Variants in GFM2 observed in about 807,000 individuals in gnomAD.
The protein encoded by GFM2 is GTP dependent ribosome recycling factor mitochondrial 2.
A neutral mutation model predicts 95.4 loss-of-function variants in GFM2; 72 were observed. The ratio of observed to expected loss-of-function variants is 0.76; its 90% CI spans 0.62 to 0.92. The LOEUF (loss-of-function observed/expected upper bound fraction) is 0.92. Ranked by LOEUF, GFM2 falls within the 40% of genes least tolerant of loss-of-function variation. The probability of loss-of-function intolerance (pLI) is 0.00; values close to 1 mark genes in which losing one functional copy is unlikely to be tolerated. For synonymous variants in GFM2, 276 were observed against 317.5 expected, an observed-to-expected ratio of 0.87 and a Z score of 1.39; for missense variants, 825 against 924.1, an observed-to-expected ratio of 0.89 and a Z score of 1.39.
chr5:74,733,138 T>A, intron 15 of GFM2, 40 bp from the exon 16 acceptor site: 1 of 1,412,706 alleles, frequency 7.1e-7, no homozygotes, highest in Non-Finnish European at 1.0e-6. Context: ...TTTCATTTTT[T>A]AAATAATTTA....
intron 16 of GFM2, among the ~76,000 whole-genome samples, chr5:74,732,364 A>G (rs2112238679): frequency 6.6e-6 from 1 of 152,020 alleles, no homozygotes; most frequent in East Asian, 1.9e-4. Flanking sequence ...AAAACAAAGT[A>G]CTCCATGCTT....
chr5:74,723,382 C>T (rs551224490), intron 19 of GFM2, among the ~76,000 whole-genome samples: 1 of 152,298 alleles, frequency 6.6e-6, no homozygotes, highest in East Asian at 1.9e-4. Context: ...TCATCATTTT[C>T]TTCTCCAAAC....
At chr5:74,726,335 A>C (rs899981381) in intron 17 of GFM2, among the ~76,000 whole-genome samples, 4 of 152,186 alleles carry the variant, frequency 2.6e-5, no homozygotes, top group African/African-American at 7.2e-5. Context: ...CAATGTTAAA[A>C]ACCTGCTCTG....
chr5:74,732,542 A>G (rs1004543725), intron 16 of GFM2, among the ~76,000 whole-genome samples: 6 of 152,178 alleles, frequency 3.9e-5, no homozygotes, highest in African/African-American at 1.2e-4. Context: ...CTACTGTGCT[A>G]TATTATACAG....
chr5:74,741,080 G>T (rs1234058868), intron 11 of GFM2, among the ~76,000 whole-genome samples: 2 of 152,088 alleles, frequency 1.3e-5, no homozygotes, highest in African/African-American at 4.8e-5. Flanking sequence ...CTTACTGTAT[G>T]TCAAAAGACA....
intron 1 of GFM2, chr5:74,765,290 T>C (rs1202683315): frequency 4.9e-6 from 1 of 206,114 alleles, no homozygotes; most frequent in East Asian, 1.4e-4. Context: ...GCCTACCCAC[T>C]GCTTTCTAGA....
intron 10 of GFM2, among the ~76,000 whole-genome samples, chr5:74,745,030 T>C (rs1743305921): frequency 6.6e-6 from 1 of 152,090 alleles, no homozygotes; most frequent in Non-Finnish European, 1.5e-5. Context: ...TTTAAGGATT[T>C]ATGGTAAACT....
intron 4 of GFM2, 35 bp downstream of exon 4, chr5:74,759,334 T>G (rs1744162277): frequency 1.6e-6 from 2 of 1,243,500 alleles, no homozygotes; most frequent in African/African-American, 3.1e-5. Context: ...TTCGTGACAG[T>G]CTATGGAAAA....
At chr5:74,763,093 T>A (rs1744364889) in intron 2 of GFM2, among the ~76,000 whole-genome samples, 1 of 152,218 alleles carries the variant, frequency 6.6e-6, no homozygotes, top group African/African-American at 2.4e-5. Context: ...TCTTTAAGTA[T>A]ACTGAAGATG....
intron 4 of GFM2, 32 bp from the exon 5 acceptor site, chr5:74,758,978 A>G (rs1331486689): frequency 7.0e-7 from 1 of 1,429,206 alleles, no homozygotes; most frequent in Non-Finnish European, 9.9e-7. Flanking sequence ...GGTAAACTTT[A>G]CTAAAATTGT....
rs771248497 is a variant in GFM2 at position 74,730,450 on chromosome 5, C to A, written c.1588-52G>T. ...GATTAAGGGTAAATTATATTTATTG[C>A]AGAATACTATATAAAAGTATGATGT... On this transcript the variant is annotated intron_variant, in intron 16 of 20. Transcript: ENST00000296805. 4.8e-6 allele frequency: 6 copies of A among 1,249,406 alleles called. No individual in the cohort carries two copies. In the East Asian group the frequency reaches 1.5e-4, roughly 31 times the overall value. 77.4% of individuals were successfully genotyped at this position (1,249,406 alleles called of 1,614,324 possible). A position where few individuals can be genotyped will look rare whatever the true frequency, so the allele number is the denominator to read the frequency against.
intron 5 of GFM2, among the ~76,000 whole-genome samples, chr5:74,754,424 A>G (rs927050990): frequency 2.0e-5 from 3 of 152,140 alleles, no homozygotes; most frequent in African/African-American, 7.2e-5. Context: ...AAAGAATGGT[A>G]GAATGGATAA....
chr5:74,749,445 G>C (rs1458648242), intron 7 of GFM2, among the ~76,000 whole-genome samples: 1 of 152,110 alleles, frequency 6.6e-6, no homozygotes, highest in Non-Finnish European at 1.5e-5. Context: ...ATTTTAATTT[G>C]CATTTTCCTG....
At position 74,763,726 on chromosome 5, in the gene GFM2, C is replaced by G; in HGVS notation, c.17G>C (p.Arg6Thr). MLTNLRIFAMSHQTIP... is the reference protein window; with the variant it reads MLTNLTIFAMSHQTIP... ...TGTCTGATGACTCATTGCAAATATC[C>G]TCAAGTTGGTCAACATCTTGATCCT... Residue 6 changes from arginine (R) to threonine (T), a missense_variant, in exon 2 of 21, where the codon AGG becomes ACG. Coordinates refer to ENST00000296805, the MANE Select transcript of GFM2 (RefSeq NM_032380.5). The G allele has an allele frequency of 6.2e-7, 1 of 1,607,214 alleles. No individual in the cohort carries two copies.
intron 18 of GFM2, 56 bp downstream of exon 18, chr5:74,725,885 G>T: frequency 6.7e-7 from 1 of 1,501,480 alleles, no homozygotes; most frequent in Non-Finnish European, 9.2e-7. Flanking sequence ...GTAATATAAG[G>T]AGTGATTAAA....
intron 10 of GFM2, 134 bp from the exon 11 acceptor site, chr5:74,741,743 T>G (rs1743118784): frequency 3.9e-6 from 2 of 508,724 alleles, no homozygotes; most frequent in African/African-American, 4.0e-5. Flanking sequence ...AACTCTTCAC[T>G]TCTTCTAAAG....
intron 3 of GFM2, among the ~76,000 whole-genome samples, 167 bp from the exon 4 acceptor site, chr5:74,759,593 A>G: frequency 6.6e-6 from 1 of 152,296 alleles, no homozygotes; most frequent in East Asian, 1.9e-4. Flanking sequence ...CTTGCAATGT[A>G]TAAGGAAAGC....
At position 74,725,708 on chromosome 5, in the gene GFM2, A is replaced by T. The variant is rs555313695; in HGVS notation, c.1960T>A (p.Ser654Thr). ...GAGGTGCCAGGATGAATTGTCAGGG[A>T]ATGTAAAGTAATTGCTACATCCTGA... ...PIQDVAITLH[S>T]LTIHPGTSTT... Residue 654 changes from serine (S) to threonine (T), a missense_variant, in exon 19 of 21, where the codon TCC (serine) becomes ACC (threonine). By Grantham distance (58) the Ser-to-Thr change is moderately conservative. Coordinates refer to ENST00000296805, the MANE Select transcript of GFM2 (RefSeq NM_032380.5). 2.0e-5 allele frequency: 32 copies of T among 1,613,942 alleles called. No homozygotes were observed. The East Asian group carries it at 6.7e-4, about 34-fold the overall frequency.
intron 10 of GFM2, among the ~76,000 whole-genome samples, chr5:74,744,010 C>T (rs1743241886): frequency 6.6e-6 from 1 of 152,130 alleles, no homozygotes; most frequent in African/African-American, 2.4e-5. Context: ...GATAAAGTTG[C>T]AATGATTACT....
Sources: gnomAD v4.1 joint callset for allele counts (sites outside exome capture counted in the v4.1 genomes callset) on GRCh38, gnomAD v4.1.1 for gene constraint, MANE v1.5 for transcripts, NCBI Gene and HGNC (gene_info 2026-07-23, HGNC 2026-07-21) for gene names.